SLC20A2: variants seen among roughly 807,000 people sequenced by gnomAD.
SLC20A2 encodes the protein sodium-dependent phosphate transporter 2.
In SLC20A2, 30 loss-of-function variants were observed where a neutral mutation model predicts 61.0. The ratio of observed to expected loss-of-function variants is 0.49; its 90% CI spans 0.37 to 0.67. The LOEUF is 0.67. Ranked by LOEUF, SLC20A2 falls within the 30% of genes least tolerant of loss-of-function variation. The pLI is 0.00. For missense variants in SLC20A2, 626 were observed against 866.4 expected (o/e 0.72, Z 3.48); for synonymous variants, 351 against 353.3 (o/e 0.99, Z 0.07).
At chr8:42,539,776 T>C (rs1812947052) in intron 1 of SLC20A2, among the ~76,000 whole-genome samples, 1 of 152,222 alleles carries the variant, frequency 6.6e-6, no homozygotes, top group Non-Finnish European at 1.5e-5. Flanking sequence ...TCCAATGTCC[T>C]AGCATAGCCT....
At chr8:42,478,500 C>T (rs184118815) in intron 1 of SLC20A2, among the ~76,000 whole-genome samples, 2 of 152,124 alleles carry the variant, frequency 1.3e-5, no homozygotes, top group South Asian at 2.1e-4. Flanking sequence ...CATGAGCCAC[C>T]GTGCCCAGCC....
intron 1 of SLC20A2, among the ~76,000 whole-genome samples, chr8:42,488,701 A>T (rs1221862018): frequency 6.6e-6 from 1 of 151,852 alleles, no homozygotes; most frequent in Non-Finnish European, 1.5e-5. Context: ...CCTCATCAAC[A>T]CCTGTTATCT....
intron 1 of SLC20A2, among the ~76,000 whole-genome samples, chr8:42,517,444 C>G (rs10102058): frequency 6.6e-6 from 1 of 151,430 alleles, no homozygotes; most frequent in African/African-American, 2.4e-5. Flanking sequence ...ACTTAGAGTA[C>G]CTTACAGGTT....
intron 1 of SLC20A2, among the ~76,000 whole-genome samples, chr8:42,523,350 TAAAA>T (rs200228522): frequency 0.025 from 3,730 of 151,848 alleles, 149 homozygotes; most frequent in African/African-American, 0.083. Flanking sequence ...AATAAATAAA[TAAAA>T]TAAATAAATA....
chr8:42,432,402 G>A (rs1803937578), intron 8 of SLC20A2, among the ~76,000 whole-genome samples: 3 of 152,230 alleles, frequency 2.0e-5, no homozygotes, highest in Non-Finnish European at 4.4e-5. Flanking sequence ...TCTTATGGAT[G>A]AGCAAAGAAA....
rs1731043953 is a variant in SLC20A2, at chr8:42,461,396, AGGT to A, written c.517-1407_517-1405del. Among the ~76,000 whole-genome samples, 11 of 152,166 alleles carry A rather than the reference AGGT, an allele frequency of 7.2e-5. No individual in the cohort carries two copies. The South Asian group carries it at 2.3e-3, about 32-fold the overall frequency. ...GAGATTCCCAACCAATAACTTCTGCAGGTGGACAGCCCCGAGTCTGTGTTTTCA... is the reference window on the plus strand; with the variant it reads ...GAGATTCCCAACCAATAACTTCTGCAGGACAGCCCCGAGTCTGTGTTTTCA... On this transcript the variant is annotated intron_variant, in intron 4 of 10. Transcript: ENST00000520262.
intron 8 of SLC20A2, among the ~76,000 whole-genome samples, chr8:42,436,653 G>T (rs1224508274): frequency 1.3e-5 from 2 of 152,206 alleles, no homozygotes; most frequent in Non-Finnish European, 2.9e-5. Flanking sequence ...GGAGAACACA[G>T]GTGTGTGCCC....
intron 5 of SLC20A2, among the ~76,000 whole-genome samples, chr8:42,451,083 G>A (rs1805598628): frequency 6.6e-6 from 1 of 152,172 alleles, no homozygotes; most frequent in African/African-American, 2.4e-5. Context: ...CAGCCTGAGA[G>A]GTTTCTGATG....
chr8:42,533,970 T>A (rs1200360723), intron 1 of SLC20A2, among the ~76,000 whole-genome samples: 2 of 152,006 alleles, frequency 1.3e-5, no homozygotes, highest in Non-Finnish European at 2.9e-5. Flanking sequence ...TCCCTCTCTT[T>A]GTGCTTACTA....
chr8:42,508,773 C>T (rs1422164968), intron 1 of SLC20A2, among the ~76,000 whole-genome samples: 1 of 152,156 alleles, frequency 6.6e-6, no homozygotes, highest in African/African-American at 2.4e-5. Context: ...AAGCAACACA[C>T]AAGCAAAGAT....
intron 5 of SLC20A2, among the ~76,000 whole-genome samples, chr8:42,448,801 A>G (rs987501097): frequency 6.6e-6 from 1 of 152,220 alleles, no homozygotes; most frequent in Non-Finnish European, 1.5e-5. Flanking sequence ...GGGGAGCAGA[A>G]TGGGGACAGG....
chr8:42,439,632 G>A lies in SLC20A2; in HGVS notation c.752C>T (p.Ala251Val), dbSNP rs1252676730. The stretch of plus-strand genomic sequence containing the variant: ...GCTTTCGTCAGATACTCGTGATAAA[G>A]CACCTTCTTTTTGTAATTTGCCTAA... ...KITGKLQKEG[A>V]LSRVSDESLS... Residue 251 changes from alanine to valine, a missense_variant, in exon 7 of 11, where the codon GCT (alanine) becomes GTT (valine). This residue lies in a region of SLC20A2 where 361 missense variants were observed against 422.3 expected (regional missense o/e 0.85). Transcript: ENST00000520262. 1 of 1,613,854 alleles carries A rather than the reference G, an allele frequency of 6.2e-7. No individual in the cohort carries two copies. Among genetic ancestry groups the A allele is most frequent in the Non-Finnish European group, 8.5e-7 (1 of 1,179,860 alleles).
chr8:42,444,016 A>T (rs1053494153), intron 6 of SLC20A2, among the ~76,000 whole-genome samples: 2 of 152,042 alleles, frequency 1.3e-5, no homozygotes, highest in African/African-American at 4.8e-5. Flanking sequence ...GAATTTACTC[A>T]ATTTGGTTAC....
chr8:42,469,084 G>T (rs1807417933), intron 2 of SLC20A2, among the ~76,000 whole-genome samples: 1 of 152,094 alleles, frequency 6.6e-6, no homozygotes, highest in Non-Finnish European at 1.5e-5. Context: ...GAAAACAAAA[G>T]AAGCAAACAG....
intron 4 of SLC20A2, among the ~76,000 whole-genome samples, chr8:42,462,488 A>G (rs1380944351): frequency 6.6e-6 from 1 of 152,146 alleles, no homozygotes; most frequent in Admixed American, 6.5e-5. Context: ...CACTGATCTC[A>G]GTAAGCACTA....
chr8:42,540,270 C>A (rs1006339086), intron 1 of SLC20A2, among the ~76,000 whole-genome samples: 2 of 152,152 alleles, frequency 1.3e-5, no homozygotes, highest in Non-Finnish European at 2.9e-5. Context: ...CCAGCCTGAA[C>A]GAGAGCAAAA....
At chr8:42,422,788 T>G (rs935039781) in intron 10 of SLC20A2, among the ~76,000 whole-genome samples, 1 of 152,206 alleles carries the variant, frequency 6.6e-6, no homozygotes, top group Non-Finnish European at 1.5e-5. Context: ...TCACATGGGT[T>G]TTCAAATTCT....
intron 5 of SLC20A2, among the ~76,000 whole-genome samples, chr8:42,452,271 G>C (rs529159463): frequency 1.5e-3 from 228 of 148,092 alleles, no homozygotes; most frequent in African/African-American, 5.5e-3. Flanking sequence ...AGATAGAGGA[G>C]GAAGAGATGG....
At chr8:42,533,758 C>T (rs1812525943) in intron 1 of SLC20A2, among the ~76,000 whole-genome samples, 1 of 147,034 alleles carries the variant, frequency 6.8e-6, no homozygotes, top group Non-Finnish European at 1.5e-5. Flanking sequence ...CTCCCAGGTT[C>T]AAGCGATTCT....
Sources: gnomAD v4.1 joint callset for allele counts (sites outside exome capture counted in the v4.1 genomes callset) on GRCh38, gnomAD v4.1.1 for gene constraint, gnomAD v4.1.1 regional missense constraint, MANE v1.5 for transcripts, NCBI Gene and HGNC (gene_info 2026-07-23, HGNC 2026-07-21) for gene names.